Variants in RABL3 observed in about 807,000 individuals in gnomAD.
The protein encoded by RABL3 is rab-like protein 3.
RABL3 carries 31 observed loss-of-function variants against 31.8 expected under a neutral mutation model. The ratio of observed to expected loss-of-function variants is 0.97; its 90% CI spans 0.73 to 1.31. The LOEUF is 1.31. Among genes scored for constraint, RABL3 ranks in the 40% most tolerant of loss-of-function variants. The pLI is 0.00. For synonymous variants in RABL3, 97 were observed against 99.9 expected, an observed-to-expected ratio of 0.97 and a Z score of 0.18; for missense variants, 263 against 279.6, an observed-to-expected ratio of 0.94 and a Z score of 0.42.
chr3:120,736,038 G>C (rs1708957638), intron 1 of RABL3, among the ~76,000 whole-genome samples: 1 of 152,212 alleles, frequency 6.6e-6, no homozygotes. Flanking sequence ...GGGATGGAGA[G>C]TTCTGTAGAG....
rs1309100945 is a variant in RABL3, at chr3:120,706,039, T to C, written c.344A>G (p.Asn115Ser). ...NLRRWSLEAL[N>S]RDLVPTGVLV... The stretch of plus-strand genomic sequence containing the variant: ...GACTCCAGTTGGCACCAAATCCCTG[T>C]TGAGAGCTTCCAATGACCAACGACG... The change falls in exon 4 of 8, where the codon AAC (asparagine) becomes AGC (serine). Residue 115 changes from asparagine (N) to serine (S), a missense_variant. Transcript: ENST00000273375. 2.5e-6 allele frequency: 4 copies of C among 1,613,932 alleles called. No individual in the cohort carries two copies. Among genetic ancestry groups the C allele is most frequent in the Non-Finnish European group, 3.4e-6 (4 of 1,179,838 alleles).
At chr3:120,718,857 T>C (rs1708702166) in intron 2 of RABL3, among the ~76,000 whole-genome samples, 1 of 152,228 alleles carries the variant, frequency 6.6e-6, no homozygotes, top group South Asian at 2.1e-4. Flanking sequence ...GTACAATGTA[T>C]TACCAGATAT....
At chr3:120,735,282 T>C (rs960058741) in intron 1 of RABL3, among the ~76,000 whole-genome samples, 21 of 152,246 alleles carry the variant, frequency 1.4e-4, no homozygotes, top group Non-Finnish European at 2.8e-4. Flanking sequence ...GGAGGGTGTA[T>C]GTGTCCAGGA....
At chr3:120,729,885 C>T (rs1199820581) in intron 2 of RABL3, among the ~76,000 whole-genome samples, 2 of 151,726 alleles carry the variant, frequency 1.3e-5, no homozygotes, top group African/African-American at 2.4e-5. Flanking sequence ...AGATGAGAAC[C>T]ATGACTACTT....
chr3:120,736,763 C>A (rs952874383), intron 1 of RABL3, among the ~76,000 whole-genome samples: 26 of 150,502 alleles, frequency 1.7e-4, no homozygotes, highest in African/African-American at 5.2e-4. Context: ...GCTTGTCTGT[C>A]AAGTATTTTA....
chr3:120,731,703 G>A (rs1446312925), intron 1 of RABL3, among the ~76,000 whole-genome samples: 4 of 152,094 alleles, frequency 2.6e-5, no homozygotes, highest in Non-Finnish European at 5.9e-5. Flanking sequence ...ATACTGTGTA[G>A]GAACCTATTG....
At chr3:120,733,073 T>C (rs1237128381) in intron 1 of RABL3, among the ~76,000 whole-genome samples, 2 of 152,200 alleles carry the variant, frequency 1.3e-5, no homozygotes, top group Non-Finnish European at 2.9e-5. Context: ...TTTGGGTATA[T>C]ACCCAGTAAC....
chr3:120,695,383 C>G (rs1198514074), intron 5 of RABL3, among the ~76,000 whole-genome samples: 1 of 152,100 alleles, frequency 6.6e-6, no homozygotes, highest in African/African-American at 2.4e-5. Flanking sequence ...ATATCCATCC[C>G]AACATTTCTA....
chr3:120,693,581 A>G (rs1488631881), intron 6 of RABL3, among the ~76,000 whole-genome samples: 1 of 152,244 alleles, frequency 6.6e-6, no homozygotes, highest in Non-Finnish European at 1.5e-5. Flanking sequence ...AAGGAAAGAC[A>G]AAGAGTGCTC....
In RABL3 at chr3:120,735,430, T is replaced by G. The variant is rs1226743485; in HGVS notation, c.47-4643A>C. Among the ~76,000 whole-genome samples the G allele has an allele frequency of 4.8e-5, 7 of 144,588 alleles. No individual in the cohort carries two copies. In the East Asian group the frequency reaches 1.6e-3, roughly 32 times the overall value. 94.9% of individuals were successfully genotyped at this position (144,588 alleles called of 152,430 possible). On this transcript the variant is annotated intron_variant, in intron 1 of 7. Transcript: ENST00000273375. ...TTTTATTGCGTCTGTTTGATTCTTC[T>G]GTCTTGTCTTCTTTATTAGTCTTGC...
intron 2 of RABL3, among the ~76,000 whole-genome samples, chr3:120,715,490 T>C (rs1205245450): frequency 6.6e-6 from 1 of 152,130 alleles, no homozygotes; most frequent in African/African-American, 2.4e-5. Context: ...TGAGCCGATA[T>C]GGTGCCACTG....
intron 2 of RABL3, chr3:120,710,469 T>G (rs540008542): frequency 2.9e-4 from 44 of 152,388 alleles, no homozygotes; most frequent in African/African-American, 1.1e-3. Context: ...TAAAACTAAC[T>G]TTGCTTCCTA....
chr3:120,720,207 A>C (rs1708721036), intron 2 of RABL3, among the ~76,000 whole-genome samples: 1 of 152,302 alleles, frequency 6.6e-6, no homozygotes, highest in South Asian at 2.1e-4. Flanking sequence ...TCAAAGACCA[A>C]AGGTAGATAA....
chr3:120,719,636 G>C (rs1026728525), intron 2 of RABL3, among the ~76,000 whole-genome samples: 2 of 152,350 alleles, frequency 1.3e-5, no homozygotes, highest in African/African-American at 4.8e-5. Context: ...CTGCAAGGCA[G>C]CAGCCAGGCT....
At chr3:120,739,153 C>T (rs903816450) in intron 1 of RABL3, among the ~76,000 whole-genome samples, 5 of 152,082 alleles carry the variant, frequency 3.3e-5, no homozygotes, top group African/African-American at 1.2e-4. Flanking sequence ...CTGAGGCAGG[C>T]AGATCACGAG....
intron 2 of RABL3, among the ~76,000 whole-genome samples, chr3:120,725,355 T>C (rs1708805141): frequency 6.6e-6 from 1 of 151,070 alleles, no homozygotes; most frequent in African/African-American, 2.5e-5. Context: ...GGTGGAACTG[T>C]AAACTAGTTC....
chr3:120,711,845 G>A (rs993987974), intron 2 of RABL3, among the ~76,000 whole-genome samples: 5 of 152,112 alleles, frequency 3.3e-5, no homozygotes, highest in African/African-American at 1.2e-4. Flanking sequence ...CGATTCTGCT[G>A]TAATCCCCTC....
At chr3:120,699,672 TA>T (rs1708474483) in intron 4 of RABL3, among the ~76,000 whole-genome samples, 2 of 152,106 alleles carry the variant, frequency 1.3e-5, no homozygotes, top group African/African-American at 4.8e-5. Flanking sequence ...TAAATTGGGG[TA>T]GGGGGCAAAG....
intron 4 of RABL3, among the ~76,000 whole-genome samples, chr3:120,701,191 T>C (rs1353456571): frequency 6.6e-6 from 1 of 152,190 alleles, no homozygotes; most frequent in Non-Finnish European, 1.5e-5. Flanking sequence ...TAATGTACCC[T>C]CTGTAGATCT....
Sources: allele counts gnomAD v4.1 joint callset (sites outside exome capture counted in the v4.1 genomes callset), GRCh38; gene constraint gnomAD v4.1.1; transcripts MANE v1.5; gene names NCBI Gene and HGNC (gene_info 2026-07-23, HGNC 2026-07-21).